Variants in PIK3CA observed in about 807,000 individuals in gnomAD.
PIK3CA encodes phosphatidylinositol-4,5-bisphosphate 3-kinase catalytic subunit alpha, also known as phosphatidylinositol 4,5-bisphosphate 3-kinase catalytic subunit alpha isoform.
In PIK3CA, 27 loss-of-function variants were observed where a neutral mutation model predicts 138.2. That is an observed-to-expected ratio of 0.20 (90% CI 0.14 to 0.27). The LOEUF is 0.27. Ranked by LOEUF, PIK3CA falls within the 10% of genes least tolerant of loss-of-function variation. PIK3CA has a pLI of 1.00. For synonymous variants in PIK3CA, 358 were observed against 413.2 expected, an observed-to-expected ratio of 0.87 and a Z score of 1.62; for missense variants, 544 against 1,277.4, an observed-to-expected ratio of 0.43 and a Z score of 8.75.
chr3:179,220,094 T>C lies in PIK3CA; in HGVS notation c.2015+42T>C. 1 of 1,330,500 alleles carries C rather than the reference T, an allele frequency of 7.5e-7. No homozygotes were observed. Among genetic ancestry groups the C allele is most frequent in the Non-Finnish European group, 1.0e-6 (1 of 959,054 alleles). 82.4% of individuals were successfully genotyped at this position (1,330,500 alleles called of 1,614,324 possible). A position where few individuals can be genotyped will look rare whatever the true frequency, so the allele number is the denominator to read the frequency against. ...TCCCATTAAATTCTTAAGGTACATA[T>C]TACTTGCTTTCTTAATAGATTTATA... On this transcript the variant is annotated intron_variant, in intron 13 of 20. Transcript: ENST00000263967. The surrounding 1 kb of genome is among the most constrained non-coding windows in gnomAD (Gnocchi z 4.1).
intron 17 of PIK3CA, among the ~76,000 whole-genome samples, 165 bp downstream of exon 17, chr3:179,226,205 G>C (rs201545426): frequency 5.3e-5 from 5 of 95,036 alleles, no homozygotes; most frequent in African/African-American, 1.9e-4. Context: ...CTCTTACTTA[G>C]AATAGCTAAA....
At position 179,220,919 on chromosome 3, in the gene PIK3CA, CA is replaced by C. The variant is rs1724949906; in HGVS notation, c.2016-64del. The C allele has an allele frequency of 1.1e-6, 1 of 897,638 alleles. No individual in the cohort carries two copies. The highest frequency in any genetic ancestry group is 1.6e-6 in the Non-Finnish European group (1 of 638,370). The allele number at this position is 897,638 out of a possible 1,614,324, so 55.6% of individuals were successfully genotyped here. A position where few individuals can be genotyped will look rare whatever the true frequency, so the allele number is the denominator to read the frequency against. On this transcript the variant is annotated intron_variant, in intron 13 of 20. Transcript: ENST00000263967. This position sits in a 1 kb window ranked among gnomAD's most constrained non-coding sequence, Gnocchi z 4.1. ...AAAAATGAGTGTTTAAATTGTTTAG[CA>C]AAGATTATTTGTATACTGATTTAAG...
intron 1 of PIK3CA, among the ~76,000 whole-genome samples, chr3:179,164,351 G>A (rs180688542): frequency 6.6e-6 from 1 of 152,222 alleles, no homozygotes; most frequent in Non-Finnish European, 1.5e-5. Context: ...GTGCTTAAGT[G>A]AATAAATTTC....
chr3:179,224,194 T>C lies in PIK3CA; in HGVS notation c.2294+7T>C. On this transcript the variant is annotated splice_region_variant and intron_variant, in intron 15 of 20. Coordinates refer to ENST00000263967, the MANE Select transcript of PIK3CA (RefSeq NM_006218.4). ...ATCAACTAGGAAACCTCAGGTACTTTCTTGGGGGTTTCATTGATATATTTA... is the reference window on the plus strand; with the variant it reads ...ATCAACTAGGAAACCTCAGGTACTTCCTTGGGGGTTTCATTGATATATTTA... 1 of 1,389,092 alleles carries C rather than the reference T, an allele frequency of 7.2e-7. No individual in the cohort carries two copies. The highest frequency in any genetic ancestry group is 1.0e-6 in the Non-Finnish European group (1 of 991,980). The allele number at this position is 1,389,092 out of a possible 1,614,324, so 86.0% of individuals were successfully genotyped here.
At chr3:179,148,333 A>G (rs1412777761), upstream of PIK3CA, 1 of 150,996 alleles carries the variant, frequency 6.6e-6, no homozygotes, top group Non-Finnish European at 1.5e-5. Context: ...TAGCGAGGAG[A>G]GGGAGCGAGA....
chr3:179,161,202 G>A (rs1041913547), intron 1 of PIK3CA, among the ~76,000 whole-genome samples: 2 of 152,162 alleles, frequency 1.3e-5, no homozygotes, highest in African/African-American at 4.8e-5. Context: ...TTTGCACAAA[G>A]GGAGCAATGA....
chr3:179,207,877 C>G (rs75971907), intron 6 of PIK3CA, among the ~76,000 whole-genome samples: 7,352 of 152,052 alleles, frequency 0.048, 198 homozygotes, highest in Non-Finnish European at 0.057. Flanking sequence ...CTATATGTTT[C>G]TACAATTATA....
Position 179,234,594 on chromosome 3 carries a change from A to G in PIK3CA, c.*230A>G. ...AAATTAAGCTTTAGAATAATGCGCA[A>G]TTTCATGTTATGCCTTAAGTCCAAA... is the stretch of plus-strand genomic sequence containing the variant. On this transcript the variant is annotated 3_prime_UTR_variant, in exon 21 of 21. Coordinates refer to ENST00000263967, the MANE Select transcript of PIK3CA (RefSeq NM_006218.4). This position sits in a 1 kb window ranked among gnomAD's most constrained non-coding sequence, Gnocchi z 5.1. 1 of 353,920 alleles carries G rather than the reference A, an allele frequency of 2.8e-6. No individual in the cohort carries two copies. Among genetic ancestry groups the G allele is most frequent in the Non-Finnish European group, 5.0e-6 (1 of 198,424 alleles). The allele number at this position is 353,920 out of a possible 1,614,324, so 21.9% of individuals were successfully genotyped here.
chr3:179,218,130 T>G, intron 9 of PIK3CA, 80 bp from the exon 10 acceptor site: 1 of 1,306,440 alleles, frequency 7.7e-7, no homozygotes, highest in Non-Finnish European at 1.0e-6. Flanking sequence ...ATGTATTTGC[T>G]TTTTCTGTAA....
At position 179,219,876 on chromosome 3, in the gene PIK3CA, T is replaced by G; in HGVS notation, c.1912-73T>G. The G allele has an allele frequency of 1.3e-6, 2 of 1,581,464 alleles. No individual in the cohort carries two copies. Among genetic ancestry groups the G allele is most frequent in the South Asian group, 1.2e-5 (1 of 83,916 alleles). On this transcript the variant is annotated intron_variant, in intron 12 of 20. Transcript: ENST00000263967. This position sits in a 1 kb window ranked among gnomAD's most constrained non-coding sequence, Gnocchi z 4.2. ...AAATTATTACCAGTAATATCCACTTTCTTTCTGAAAAAATTTTCTTTAGAT... is the reference window on the plus strand; with the variant it reads ...AAATTATTACCAGTAATATCCACTTGCTTTCTGAAAAAATTTTCTTTAGAT...
At chr3:179,168,187 C>G (rs1003002206) in intron 1 of PIK3CA, among the ~76,000 whole-genome samples, 1 of 152,132 alleles carries the variant, frequency 6.6e-6, no homozygotes, top group African/African-American at 2.4e-5. Context: ...AGTAATTAAT[C>G]AATTAAGTGC....
At chr3:179,182,001 T>C (rs1469697218) in intron 1 of PIK3CA, among the ~76,000 whole-genome samples, 2 of 152,210 alleles carry the variant, frequency 1.3e-5, no homozygotes, top group East Asian at 3.8e-4. Context: ...CTGTCCAACC[T>C]AAAAACTTTC....
chr3:179,228,709 T>C (rs1379856766), intron 17 of PIK3CA, among the ~76,000 whole-genome samples: 4 of 152,096 alleles, frequency 2.6e-5, no homozygotes, highest in Admixed American at 1.3e-4. Flanking sequence ...CTAAATTTTT[T>C]AAATGCATTT....
chr3:179,226,083 G>T, intron 17 of PIK3CA, 43 bp downstream of exon 17: 1 of 1,043,538 alleles, frequency 9.6e-7, no homozygotes, highest in South Asian at 1.3e-5. Context: ...AAGTTATCCT[G>T]AAAAAGTGAA....
intron 1 of PIK3CA, among the ~76,000 whole-genome samples, chr3:179,182,526 C>T (rs1316220721): frequency 2.6e-5 from 4 of 152,040 alleles, no homozygotes; most frequent in Non-Finnish European, 5.9e-5. Flanking sequence ...TTTAGCTGGG[C>T]ATGGTAGCAC....
At chr3:179,167,744 G>A (rs1723455550) in intron 1 of PIK3CA, among the ~76,000 whole-genome samples, 1 of 152,080 alleles carries the variant, frequency 6.6e-6, no homozygotes, top group Admixed American at 6.6e-5. Context: ...ACTACGCAAT[G>A]AATATTCTTT....
intron 6 of PIK3CA, among the ~76,000 whole-genome samples, chr3:179,208,188 G>T (rs769120414): frequency 1.3e-5 from 2 of 151,740 alleles, no homozygotes; most frequent in African/African-American, 2.4e-5. Context: ...ATCCATACTT[G>T]AGCAAAAATG....
Position 179,238,982 on chromosome 3 carries a change from G to A in PIK3CA, c.*4618G>A, listed in dbSNP as rs1725385206. On this transcript the variant is annotated 3_prime_UTR_variant, in exon 21 of 21. Transcript: ENST00000263967. ...TAGTGCAGTGCCATTTCTTCTGCTTGATTTTAGGTATGTTAATATTCCAGC... is the reference window on the plus strand; with the variant it reads ...TAGTGCAGTGCCATTTCTTCTGCTTAATTTTAGGTATGTTAATATTCCAGC... 2 of 216,606 alleles carry A rather than the reference G, an allele frequency of 9.2e-6. No homozygotes were observed. The highest frequency in any genetic ancestry group is 4.5e-5 in the African/African-American group (2 of 44,192). 13.4% of individuals were successfully genotyped at this position (216,606 alleles called of 1,614,324 possible).
chr3:179,148,330 G>C (rs2108344001), upstream of PIK3CA: 1 of 151,850 alleles, frequency 6.6e-6, no homozygotes, highest in African/African-American at 2.4e-5. Flanking sequence ...GGCTAGCGAG[G>C]AGAGGGAGCG....
Sources: gnomAD v4.1 joint callset for allele counts (sites outside exome capture counted in the v4.1 genomes callset) on GRCh38, gnomAD v4.1.1 for gene constraint, Gnocchi (gnomAD v3.1) non-coding constraint, MANE v1.5 for transcripts, NCBI Gene and HGNC (gene_info 2026-07-23, HGNC 2026-07-21) for gene names.